PAWR: variants seen among roughly 807,000 people sequenced by gnomAD.
PAWR encodes the protein PRKC apoptosis WT1 regulator protein.
A neutral mutation model predicts 32.0 loss-of-function variants in PAWR; 23 were observed. That is an observed-to-expected ratio of 0.72 (90% CI 0.52 to 1.02). The LOEUF is 1.02. PAWR is among the 50% of genes least tolerant of loss of function. PAWR has a pLI of 0.00. For synonymous variants in PAWR, 226 were observed against 187.1 expected (o/e 1.21, Z -1.70); for missense variants, 457 against 437.7 (o/e 1.04, Z -0.39).
intron 3 of PAWR, among the ~76,000 whole-genome samples, chr12:79,616,200 A>G (rs548732407): frequency 7.4e-4 from 112 of 152,264 alleles, no homozygotes; most frequent in Middle Eastern, 3.4e-3. Context: ...CTGACTACAC[A>G]TGCATGAGAA....
chr12:79,664,661 G>GT lies in PAWR; in HGVS notation c.516+25067_516+25068insA, dbSNP rs367569953. Reference sequence around the variant, plus strand: ...AAGGACAAAGTAGACTCTTTGGCGGGGGGGGGAGGAGAGAGAGAGAGTGGT... The same window carrying GT: ...AAGGACAAAGTAGACTCTTTGGCGGGTGGGGGGAGGAGAGAGAGAGAGTGGT... On this transcript the variant is annotated intron_variant, in intron 2 of 6. Transcript: ENST00000328827. Among the ~76,000 whole-genome samples the GT allele has an allele frequency of 6.5e-3, 976 of 149,038 alleles. 7 individuals are homozygous for GT. The highest frequency in any genetic ancestry group is 0.012 in the Non-Finnish European group (800 of 67,364).
intron 2 of PAWR, among the ~76,000 whole-genome samples, chr12:79,653,564 C>T (rs185533218): frequency 4.3e-4 from 65 of 152,310 alleles, no homozygotes; most frequent in African/African-American, 1.5e-3. Context: ...ACTGCAACCT[C>T]CACTGCCCAG....
intron 2 of PAWR, among the ~76,000 whole-genome samples, chr12:79,625,748 A>C (rs1418700939): frequency 6.6e-6 from 1 of 151,924 alleles, no homozygotes; most frequent in African/African-American, 2.4e-5. Flanking sequence ...CGAACGCGGG[A>C]GGCAGAGCTT....
chr12:79,652,374 A>G (rs1876890041), intron 2 of PAWR, among the ~76,000 whole-genome samples: 1 of 152,228 alleles, frequency 6.6e-6, no homozygotes, highest in African/African-American at 2.4e-5. Flanking sequence ...TTACTAAGTA[A>G]TACAAAGATA....
intron 2 of PAWR, among the ~76,000 whole-genome samples, chr12:79,632,316 T>TAC (rs1875692878): frequency 4.6e-5 from 1 of 21,554 alleles, no homozygotes; most frequent in East Asian, 1.5e-3. Context: ...TACATACATA[T>TAC]ATATATATAT....
At chr12:79,609,867 A>T (rs1235798915) in intron 4 of PAWR, among the ~76,000 whole-genome samples, 1 of 152,222 alleles carries the variant, frequency 6.6e-6, no homozygotes, top group Non-Finnish European at 1.5e-5. Flanking sequence ...TAAGCCGTCC[A>T]TGGATGGCAA....
intron 2 of PAWR, among the ~76,000 whole-genome samples, chr12:79,638,790 GGT>G (rs34039182): frequency 0.15 from 16,074 of 105,026 alleles, 2,227 homozygotes; most frequent in African/African-American, 0.42. Context: ...TTATATTTGG[GGT>G]GTGTGTGTGT....
chr12:79,625,074 C>G (rs1262793252), intron 2 of PAWR, among the ~76,000 whole-genome samples: 1 of 152,016 alleles, frequency 6.6e-6, no homozygotes, highest in Non-Finnish European at 1.5e-5. Context: ...AGTTTTCATA[C>G]TTTTGCAGTT....
chr12:79,590,177 G>A lies in PAWR; in HGVS notation c.*2430C>T, dbSNP rs1275119261. On this transcript the variant is annotated 3_prime_UTR_variant, in exon 7 of 7. Transcript: ENST00000328827. Reference sequence around the variant, plus strand: ...CCCCAAAAAATTCTTAAACAGCTCAGTCTTTAAAAGTATTAATAATTTTTT... The same window carrying A: ...CCCCAAAAAATTCTTAAACAGCTCAATCTTTAAAAGTATTAATAATTTTTT... The A allele has an allele frequency of 6.6e-6, 1 of 151,232 alleles. No individual in the cohort carries two copies. Among genetic ancestry groups the A allele is most frequent in the Admixed American group, 6.6e-5 (1 of 15,110 alleles). The allele number at this position is 151,232 out of a possible 1,614,324, so 9.4% of individuals were successfully genotyped here. A position where few individuals can be genotyped will look rare whatever the true frequency, so the allele number is the denominator to read the frequency against.
At chr12:79,650,622 A>G (rs1323262159) in intron 2 of PAWR, among the ~76,000 whole-genome samples, 1 of 151,928 alleles carries the variant, frequency 6.6e-6, no homozygotes, top group Non-Finnish European at 1.5e-5. Context: ...GTTGTAGACC[A>G]AAATCTATCG....
chr12:79,668,647 T>C (rs1253232045), intron 2 of PAWR, among the ~76,000 whole-genome samples: 2 of 152,192 alleles, frequency 1.3e-5, no homozygotes, highest in African/African-American at 4.8e-5. Flanking sequence ...AAAAGAGGGT[T>C]CGTGTTCCTA....
chr12:79,611,354 T>C (rs1361805624), intron 4 of PAWR, among the ~76,000 whole-genome samples: 2 of 149,080 alleles, frequency 1.3e-5, no homozygotes, highest in African/African-American at 2.4e-5. Flanking sequence ...TATATATATA[T>C]AAAAAATAAG....
chr12:79,622,237 C>T (rs527316660), intron 2 of PAWR, among the ~76,000 whole-genome samples: 18 of 152,176 alleles, frequency 1.2e-4, no homozygotes, highest in Non-Finnish European at 5.9e-5. Flanking sequence ...GGGTACCAAG[C>T]TTGATAAAGA....
intron 2 of PAWR, among the ~76,000 whole-genome samples, chr12:79,671,249 C>G (rs940745047): frequency 4.0e-5 from 6 of 151,588 alleles, no homozygotes; most frequent in Admixed American, 2.6e-4. Context: ...AAGTACTAGA[C>G]AACATAATTG....
At chr12:79,683,823 C>A (rs1878557058) in intron 2 of PAWR, among the ~76,000 whole-genome samples, 2 of 152,036 alleles carry the variant, frequency 1.3e-5, no homozygotes, top group African/African-American at 4.8e-5. Flanking sequence ...CTAATAAATA[C>A]CTATTATACT....
At chr12:79,615,786 G>A (rs961755978) in intron 3 of PAWR, among the ~76,000 whole-genome samples, 1 of 152,158 alleles carries the variant, frequency 6.6e-6, no homozygotes, top group Non-Finnish European at 1.5e-5. Flanking sequence ...GCTGGGTGCA[G>A]TGGCTCATAC....
chr12:79,630,040 G>C (rs576623923), intron 2 of PAWR, among the ~76,000 whole-genome samples: 12 of 151,632 alleles, frequency 7.9e-5, no homozygotes, highest in African/African-American at 2.9e-4. Context: ...AATGATCAAG[G>C]CTTTCATCTT....
chr12:79,654,507 T>A (rs1161125507), intron 2 of PAWR, among the ~76,000 whole-genome samples: 3 of 152,176 alleles, frequency 2.0e-5, no homozygotes, highest in Non-Finnish European at 4.4e-5. Flanking sequence ...TGGCTTCCCT[T>A]CTTCACATGG....
At chr12:79,598,403 A>C (rs929810456) in intron 4 of PAWR, among the ~76,000 whole-genome samples, 4 of 152,266 alleles carry the variant, frequency 2.6e-5, no homozygotes, top group African/African-American at 9.6e-5. Flanking sequence ...TGCAATTTCA[A>C]CAAGCTCGGA....
Sources: allele counts gnomAD v4.1 joint callset (sites outside exome capture counted in the v4.1 genomes callset), GRCh38; gene constraint gnomAD v4.1.1; transcripts MANE v1.5; gene names NCBI Gene and HGNC (gene_info 2026-07-23, HGNC 2026-07-21).